Variants in PARN observed in about 807,000 individuals in gnomAD.
PARN encodes the protein poly(A)-specific ribonuclease.
In PARN, 71 loss-of-function variants were observed where a neutral mutation model predicts 102.8. The observed-to-expected ratio is 0.69, with a 90% CI of 0.57 to 0.84. The LOEUF is 0.84. Among genes scored for constraint, PARN ranks in the 40% least tolerant of loss-of-function variants. The pLI is 0.00. For synonymous variants in PARN, 261 were observed against 252.9 expected (o/e 1.03, Z -0.30); for missense variants, 782 against 760.9 (o/e 1.03, Z -0.33).
chr16:14,438,441 T>TGGGGGG (rs375043884), intron 23 of PARN, among the ~76,000 whole-genome samples: 1 of 107,018 alleles, frequency 9.3e-6, no homozygotes, highest in African/African-American at 3.9e-5. Context: ...TGCCATTAGT[T>TGGGGGG]GGGGGGGGGG....
chr16:14,475,619 T>C (rs1962997959), intron 22 of PARN, among the ~76,000 whole-genome samples: 1 of 152,256 alleles, frequency 6.6e-6, no homozygotes. Context: ...TGCTCATCTC[T>C]AGCAGCACTG....
chr16:14,496,349 G>C (rs1323974220), intron 21 of PARN, among the ~76,000 whole-genome samples: 1 of 152,202 alleles, frequency 6.6e-6, no homozygotes, highest in African/African-American at 2.4e-5. Context: ...GTGAAGTGCA[G>C]AAGGTAAGAA....
At chr16:14,566,353 G>A (rs1968429539) in intron 18 of PARN, among the ~76,000 whole-genome samples, 1 of 152,134 alleles carries the variant, frequency 6.6e-6, no homozygotes, top group Admixed American at 6.5e-5. Flanking sequence ...TGTGACCATG[G>A]GGACAGAGAC....
intron 18 of PARN, among the ~76,000 whole-genome samples, chr16:14,556,250 C>A (rs985543886): frequency 6.6e-6 from 1 of 152,078 alleles, no homozygotes; most frequent in African/African-American, 2.4e-5. Context: ...CCTCTGCCTC[C>A]CAGGTTCCAG....
At chr16:14,477,982 T>A (rs953122496) in intron 22 of PARN, among the ~76,000 whole-genome samples, 3 of 152,146 alleles carry the variant, frequency 2.0e-5, no homozygotes, top group African/African-American at 7.2e-5. Flanking sequence ...GGCATACAAA[T>A]CTGATTAAAC....
intron 22 of PARN, among the ~76,000 whole-genome samples, chr16:14,451,638 T>C (rs182651533): frequency 4.6e-5 from 7 of 151,876 alleles, no homozygotes; most frequent in East Asian, 3.9e-4. Context: ...TAGGTAGGGA[T>C]TGACTGGTAG....
At chr16:14,626,145 G>A (rs574454852) in intron 5 of PARN, among the ~76,000 whole-genome samples, 1 of 152,152 alleles carries the variant, frequency 6.6e-6, no homozygotes, top group Non-Finnish European at 1.5e-5. Context: ...TAGTGAGCTT[G>A]AGAAAAGGAA....
chr16:14,507,268 G>A (rs1480445980), intron 21 of PARN, among the ~76,000 whole-genome samples: 3 of 151,934 alleles, frequency 2.0e-5, no homozygotes, highest in Non-Finnish European at 2.9e-5. Context: ...GGAGGTTGCG[G>A]TGAGCTGAGA....
chr16:14,542,705 T>C (rs989455298), intron 21 of PARN, among the ~76,000 whole-genome samples: 1 of 152,164 alleles, frequency 6.6e-6, no homozygotes, highest in Non-Finnish European at 1.5e-5. Flanking sequence ...ATTCACTGGA[T>C]GGGCTTAATA....
At chr16:14,557,505 C>T (rs935961104) in intron 18 of PARN, among the ~76,000 whole-genome samples, 2 of 144,008 alleles carry the variant, frequency 1.4e-5, no homozygotes, top group African/African-American at 2.6e-5. Flanking sequence ...TGCAGTGAAC[C>T]GAGATAGCAA....
At chr16:14,447,540 T>C (rs1728001693) in intron 22 of PARN, among the ~76,000 whole-genome samples, 1 of 152,248 alleles carries the variant, frequency 6.6e-6, no homozygotes, top group Admixed American at 6.5e-5. Flanking sequence ...ATCCCACTGC[T>C]TAAAACTTGG....
intron 21 of PARN, among the ~76,000 whole-genome samples, chr16:14,494,459 C>G (rs1964208355): frequency 6.6e-6 from 1 of 152,180 alleles, no homozygotes; most frequent in South Asian, 2.1e-4. Context: ...AAAAGACACT[C>G]AGGTCTTTCT....
intron 21 of PARN, among the ~76,000 whole-genome samples, chr16:14,516,315 C>CG (rs1233509860): frequency 1.3e-5 from 2 of 152,024 alleles, no homozygotes; most frequent in South Asian, 2.1e-4. Context: ...AACAGAACAA[C>CG]GCTGAAAATT....
intron 22 of PARN, among the ~76,000 whole-genome samples, chr16:14,450,251 G>T (rs1961391188): frequency 6.6e-6 from 1 of 152,210 alleles, no homozygotes; most frequent in Admixed American, 6.5e-5. Context: ...CTTGAGTAGG[G>T]TGTGGGAGAG....
intron 6 of PARN, among the ~76,000 whole-genome samples, chr16:14,616,561 T>C (rs1303154718): frequency 2.0e-5 from 3 of 152,116 alleles, no homozygotes; most frequent in African/African-American, 7.2e-5. Flanking sequence ...GCCTGGGCAA[T>C]GGCGAAATCC....
At position 14,630,127 on chromosome 16, in the gene PARN, C is replaced by A. The variant is rs767826855; in HGVS notation, c.-2G>T. The A allele has an allele frequency of 2.9e-5, 46 of 1,561,764 alleles. No individual in the cohort carries two copies. Among genetic ancestry groups the A allele is most frequent in the Non-Finnish European group, 3.6e-5 (42 of 1,152,240 alleles). On this transcript the variant is annotated 5_prime_UTR_variant, in exon 1 of 24. Transcript: ENST00000437198. ...CGCACTGCTCCTGATTATCTCCATT[C>A]TGCAGAGTGGCCGGAACCTTGGCCC...
chr16:14,518,291 C>CAAAAAAAAAAAA (rs34169116), intron 21 of PARN, among the ~76,000 whole-genome samples: 1 of 52,268 alleles, frequency 1.9e-5, no homozygotes, highest in Admixed American at 3.0e-4. Flanking sequence ...GACCCTGTCT[C>CAAAAAAAAAAAA]AAAAAAAAAA....
At chr16:14,533,484 AGAGGG>A (rs1966472341) in intron 21 of PARN, among the ~76,000 whole-genome samples, 1 of 130,066 alleles carries the variant, frequency 7.7e-6, no homozygotes, top group Non-Finnish European at 1.7e-5. Flanking sequence ...AGGGAGAGGG[AGAGGG>A]AGAGGTTCCA....
chr16:14,540,464 A>G (rs970937352), intron 21 of PARN, among the ~76,000 whole-genome samples: 1 of 152,180 alleles, frequency 6.6e-6, no homozygotes, highest in African/African-American at 2.4e-5. Context: ...ATATATATCA[A>G]TATATTGTAT....
Sources: gnomAD v4.1 joint callset for allele counts (sites outside exome capture counted in the v4.1 genomes callset) on GRCh38, gnomAD v4.1.1 for gene constraint, MANE v1.5 for transcripts, NCBI Gene and HGNC (gene_info 2026-07-23, HGNC 2026-07-21) for gene names.